Variants in BCAS1 observed in about 807,000 individuals in gnomAD.
The protein encoded by BCAS1 is breast carcinoma-amplified sequence 1.
A neutral mutation model predicts 65.4 loss-of-function variants in BCAS1; 46 were observed. The ratio of observed to expected loss-of-function variants is 0.70; its 90% CI spans 0.55 to 0.90. The LOEUF (loss-of-function observed/expected upper bound fraction) is 0.90, where lower values mean the gene tolerates loss of function less well. Ranked by LOEUF, BCAS1 falls within the 40% of genes least tolerant of loss-of-function variation. The probability of loss-of-function intolerance (pLI) is 0.00; values close to 1 mark genes in which losing one functional copy is unlikely to be tolerated. For missense variants in BCAS1, 793 were observed against 771.2 expected (o/e 1.03, Z -0.33); for synonymous variants, 298 against 293.5 (o/e 1.02, Z -0.16).
At chr20:53,977,140 G>C (rs543407457) in intron 8 of BCAS1, among the ~76,000 whole-genome samples, 12 of 152,282 alleles carry the variant, frequency 7.9e-5, no homozygotes, top group African/African-American at 2.6e-4. Flanking sequence ...ATCAGATCTT[G>C]TGAAAACTCA....
At chr20:54,046,030 T>A (rs1421052675) in intron 3 of BCAS1, among the ~76,000 whole-genome samples, 3 of 152,156 alleles carry the variant, frequency 2.0e-5, no homozygotes, top group Non-Finnish European at 4.4e-5. Context: ...AAAGACAGGT[T>A]TCACCAAAAC....
At position 54,000,477 on chromosome 20, in the gene BCAS1, GTGAA is replaced by G. The variant is rs2091030815; in HGVS notation, c.724-4431_724-4428del. ...CATGGTACAATCTCAAAAATTACTA[GTGAA>G]TGAATGAACAAATGATTTAATCCAA... On this transcript the variant is annotated intron_variant, in intron 4 of 12. Coordinates refer to ENST00000688948, the MANE Select transcript of BCAS1 (RefSeq NM_001366298.2). Among the ~76,000 whole-genome samples, 11 of 152,294 alleles carry G rather than the reference GTGAA, an allele frequency of 7.2e-5. 1 individual carries two copies. In the South Asian group the frequency reaches 2.3e-3, roughly 32 times the overall value.
intron 4 of BCAS1, among the ~76,000 whole-genome samples, chr20:54,019,240 T>C (rs189689612): frequency 3.9e-5 from 6 of 152,284 alleles, no homozygotes; most frequent in African/African-American, 9.6e-5. Flanking sequence ...CCTTGGAAAA[T>C]TGAGCTACCT....
intron 9 of BCAS1, among the ~76,000 whole-genome samples, chr20:53,971,753 A>G (rs755249121): frequency 3.3e-5 from 5 of 152,212 alleles, no homozygotes; most frequent in Non-Finnish European, 7.3e-5. Context: ...GTTTTCTTTC[A>G]CTTGCAACTG....
rs992766098 is a variant in BCAS1 at position 54,070,496 on chromosome 20, G to C, written c.-69C>G. ...GTCACCCGGAGCTGCTCCTGCACAG[G>C]GTCCTGGGTCTCCAGTGCGTGCTGC... On this transcript the variant is annotated 5_prime_UTR_variant, in exon 1 of 13. Transcript: ENST00000688948. The C allele has an allele frequency of 1.3e-5, 2 of 152,378 alleles. No individual in the cohort carries two copies. The highest frequency in any genetic ancestry group is 2.9e-5 in the Non-Finnish European group (2 of 68,222). 9.4% of individuals were successfully genotyped at this position (152,378 alleles called of 1,614,324 possible).
At chr20:54,064,024 T>A (rs759774825) in intron 1 of BCAS1, among the ~76,000 whole-genome samples, 92 of 152,138 alleles carry the variant, frequency 6.0e-4, no homozygotes, top group Non-Finnish European at 1.1e-3. Flanking sequence ...ATTAGACTTG[T>A]GTTTGAGGGT....
At chr20:53,984,825 C>T (rs1382373681) in intron 8 of BCAS1, among the ~76,000 whole-genome samples, 1 of 152,052 alleles carries the variant, frequency 6.6e-6, no homozygotes, top group Admixed American at 6.5e-5. Flanking sequence ...TGATGGACAC[C>T]CTAGGTTTCT....
intron 3 of BCAS1, among the ~76,000 whole-genome samples, chr20:54,051,726 TTTG>T (rs11470040): frequency 0.18 from 26,375 of 149,018 alleles, 2,403 homozygotes; most frequent in East Asian, 0.36. Flanking sequence ...TTTTTTTTTG[TTTG>T]TTGTTGTTGT....
At chr20:53,990,793 G>A (rs901944415) in intron 7 of BCAS1, among the ~76,000 whole-genome samples, 2 of 152,176 alleles carry the variant, frequency 1.3e-5, no homozygotes, top group Non-Finnish European at 2.9e-5. Context: ...CAGAACATTT[G>A]GGAGGTGTCC....
intron 10 of BCAS1, among the ~76,000 whole-genome samples, chr20:53,958,076 T>G (rs1442072305): frequency 6.6e-6 from 1 of 152,142 alleles, no homozygotes; most frequent in East Asian, 1.9e-4. Flanking sequence ...CAGCATCACC[T>G]GGGAACTTGC....
chr20:53,969,904 A>T (rs1828598368), intron 9 of BCAS1, among the ~76,000 whole-genome samples: 1 of 152,174 alleles, frequency 6.6e-6, no homozygotes, highest in Non-Finnish European at 1.5e-5. Context: ...CCCCCAGGCT[A>T]CTTACTAGTG....
At chr20:54,019,360 A>C (rs555079050) in intron 4 of BCAS1, among the ~76,000 whole-genome samples, 12 of 152,330 alleles carry the variant, frequency 7.9e-5, no homozygotes, top group African/African-American at 2.9e-4. Context: ...TAGTAGGTGG[A>C]TGTCCATTGT....
At chr20:54,030,780 T>C (rs1208746180) in intron 3 of BCAS1, among the ~76,000 whole-genome samples, 1 of 151,306 alleles carries the variant, frequency 6.6e-6, no homozygotes, top group Admixed American at 6.6e-5. Context: ...GGGTTTCTCA[T>C]AAACCTGAAC....
chr20:54,020,641 A>G (rs2091535955), intron 4 of BCAS1, among the ~76,000 whole-genome samples: 1 of 152,204 alleles, frequency 6.6e-6, no homozygotes, highest in South Asian at 2.1e-4. Flanking sequence ...CCATTGTGCT[A>G]GGCATTGGGA....
chr20:53,954,503 G>T (rs2089641710), intron 11 of BCAS1, among the ~76,000 whole-genome samples: 1 of 152,136 alleles, frequency 6.6e-6, no homozygotes, highest in Admixed American at 6.5e-5. Flanking sequence ...CCTAATTTTT[G>T]GTGTGAAATT....
At chr20:53,985,102 A>G (rs556898709) in intron 8 of BCAS1, among the ~76,000 whole-genome samples, 185 bp downstream of exon 8, 6 of 152,346 alleles carry the variant, frequency 3.9e-5, no homozygotes, top group Non-Finnish European at 7.4e-5. Flanking sequence ...TGTTTATAAC[A>G]TGACAGGCGT....
chr20:53,968,095 G>C (rs1044271000), intron 9 of BCAS1, among the ~76,000 whole-genome samples: 2 of 152,186 alleles, frequency 1.3e-5, no homozygotes, highest in Non-Finnish European at 1.5e-5. Flanking sequence ...CTGGGCTCGA[G>C]TGATCCTCCT....
intron 3 of BCAS1, among the ~76,000 whole-genome samples, chr20:54,043,246 C>A (rs2092032414): frequency 6.6e-6 from 1 of 152,134 alleles, no homozygotes; most frequent in Admixed American, 6.5e-5. Flanking sequence ...GCAAGCACAG[C>A]TGAAATTGGT....
At chr20:53,952,828 C>T (rs1020108853) in intron 12 of BCAS1, among the ~76,000 whole-genome samples, 1 of 152,216 alleles carries the variant, frequency 6.6e-6, no homozygotes, top group Non-Finnish European at 1.5e-5. Context: ...TCTTACTGCT[C>T]ATGCCACTGG....
Sources: allele counts gnomAD v4.1 joint callset (sites outside exome capture counted in the v4.1 genomes callset), GRCh38; gene constraint gnomAD v4.1.1; transcripts MANE v1.5; gene names NCBI Gene and HGNC (gene_info 2026-07-23, HGNC 2026-07-21).